The following CAPZB variants were observed in gnomAD, a reference collection of about 807,000 sequenced individuals.
The protein encoded by CAPZB is capping actin protein of muscle Z-line subunit beta.
A neutral mutation model predicts 38.1 loss-of-function variants in CAPZB; 2 were observed. The ratio of observed to expected loss-of-function variants is 0.05; its 90% CI spans 0.02 to 0.17. The LOEUF is 0.17. CAPZB is among the 10% of genes least tolerant of loss of function. The pLI is 1.00. For missense variants in CAPZB, 161 were observed against 334.2 expected (o/e 0.48, Z 4.04); for synonymous variants, 107 against 127.4 (o/e 0.84, Z 1.08).
chr1:19,474,655 G>C (rs2094600804), intron 1 of CAPZB, among the ~76,000 whole-genome samples: 1 of 152,186 alleles, frequency 6.6e-6, no homozygotes. Context: ...AAACGGGTTA[G>C]TAGAAGCTGA....
At chr1:19,389,839 T>C (rs924091584) in intron 2 of CAPZB, among the ~76,000 whole-genome samples, 1 of 152,232 alleles carries the variant, frequency 6.6e-6, no homozygotes, top group East Asian at 1.9e-4. Context: ...AGATGTCAAA[T>C]TCTTCAGAAT....
chr1:19,389,439 T>C (rs1034975575), intron 2 of CAPZB, among the ~76,000 whole-genome samples: 4 of 149,612 alleles, frequency 2.7e-5, no homozygotes, highest in East Asian at 3.9e-4. Context: ...GTTTTTTTTT[T>C]CTCAATGAGA....
At chr1:19,466,401 G>C (rs1372537333) in intron 1 of CAPZB, among the ~76,000 whole-genome samples, 1 of 152,166 alleles carries the variant, frequency 6.6e-6, no homozygotes, top group Non-Finnish European at 1.5e-5. Flanking sequence ...AAATGTTCCT[G>C]AGCTGCAACG....
At chr1:19,370,472 A>C (rs2094114127) in intron 4 of CAPZB, among the ~76,000 whole-genome samples, 1 of 151,890 alleles carries the variant, frequency 6.6e-6, no homozygotes, top group Non-Finnish European at 1.5e-5. Flanking sequence ...GACGTGATAC[A>C]CTCCCCCAGG....
At chr1:19,360,516 A>G (rs549185570) in intron 4 of CAPZB, among the ~76,000 whole-genome samples, 1 of 152,280 alleles carries the variant, frequency 6.6e-6, no homozygotes, top group Non-Finnish European at 1.5e-5. Flanking sequence ...GTGCTGGGAC[A>G]CTGGGGAGAT....
intron 1 of CAPZB, chr1:19,484,827 G>A (rs1430781232): frequency 2.9e-5 from 10 of 348,322 alleles, no homozygotes; most frequent in African/African-American, 4.4e-5. Context: ...GGGGCCATGG[G>A]CGGAGAAGAG....
At chr1:19,412,974 G>A (rs1302508364) in intron 2 of CAPZB, among the ~76,000 whole-genome samples, 3 of 152,204 alleles carry the variant, frequency 2.0e-5, no homozygotes, top group East Asian at 1.9e-4. Context: ...TCCATAGAGC[G>A]AGGCTTTTCA....
In CAPZB at chr1:19,364,605, CA is replaced by C. The variant is rs551375833; in HGVS notation, c.330-7043del. On this transcript the variant is annotated intron_variant, in intron 4 of 8. Transcript: ENST00000264202. ...CCTCCTTGTAATTCCTCATACGACT[CA>C]ATACCTTGTTTATCCTTCTGAACAT... Among the ~76,000 whole-genome samples, 266 of 152,294 alleles carry C rather than the reference CA, an allele frequency of 1.7e-3. 3 individuals carry two copies. Among genetic ancestry groups the C allele is most frequent in the African/African-American group, 6.1e-3 (255 of 41,554 alleles).
At chr1:19,396,664 G>A (rs2094271319) in intron 2 of CAPZB, among the ~76,000 whole-genome samples, 1 of 152,010 alleles carries the variant, frequency 6.6e-6, no homozygotes, top group African/African-American at 2.4e-5. Flanking sequence ...TTATTGGCCA[G>A]ACGCAGTGGC....
intron 2 of CAPZB, among the ~76,000 whole-genome samples, chr1:19,386,537 C>T (rs936032187): frequency 3.9e-5 from 6 of 152,202 alleles, no homozygotes; most frequent in African/African-American, 1.2e-4. Context: ...AATAACCCTT[C>T]CCAGTGGAAA....
chr1:19,383,446 C>A (rs1306159109), intron 3 of CAPZB, among the ~76,000 whole-genome samples: 315 of 117,800 alleles, frequency 2.7e-3, no homozygotes, highest in Middle Eastern at 4.4e-3. Context: ...GACTCTGTCT[C>A]AAAAAAAAAA....
At chr1:19,425,489 A>G (rs1056167751) in intron 1 of CAPZB, among the ~76,000 whole-genome samples, 1 of 152,148 alleles carries the variant, frequency 6.6e-6, no homozygotes, top group Non-Finnish European at 1.5e-5. Flanking sequence ...ATGTCAAATA[A>G]TAAGGAGGGG....
chr1:19,473,157 TC>T (rs1313934350), intron 1 of CAPZB, among the ~76,000 whole-genome samples: 1 of 152,126 alleles, frequency 6.6e-6, no homozygotes, highest in East Asian at 1.9e-4. Flanking sequence ...TAAAGCACTT[TC>T]CCCTGTACAT....
chr1:19,448,942 C>A, intron 1 of CAPZB: 4 of 1,612,364 alleles, frequency 2.5e-6, no homozygotes, highest in Non-Finnish European at 2.5e-6. Flanking sequence ...TAATAACAAT[C>A]GTTTTGCAGG....
At chr1:19,481,939 A>G (rs1486218985) in intron 1 of CAPZB, among the ~76,000 whole-genome samples, 1 of 152,250 alleles carries the variant, frequency 6.6e-6, no homozygotes, top group East Asian at 1.9e-4. Flanking sequence ...TCCTCAGCAC[A>G]TAAGCACCAC....
intron 6 of CAPZB, among the ~76,000 whole-genome samples, chr1:19,348,763 G>C (rs77620107): frequency 9.4e-5 from 13 of 138,076 alleles, no homozygotes; most frequent in Admixed American, 4.3e-4. Flanking sequence ...CTGACAAGGG[G>C]GGGGGGCGGT....
rs1252754180 is a variant in CAPZB, at chr1:19,481,685, G to A, written c.3+3751C>T. Among the ~76,000 whole-genome samples the A allele has an allele frequency of 3.3e-5, 5 of 152,148 alleles. No homozygotes were observed. In the East Asian group the frequency reaches 7.7e-4, roughly 23 times the overall value. On this transcript the variant is annotated intron_variant, in intron 1 of 8. Coordinates refer to ENST00000264202, the MANE Select transcript of CAPZB (RefSeq NM_004930.5). ...GAAAGCCTTGGCTGTGCAGAGGAGC[G>A]GACTGCGTGCACGTGCAATCCAATT... is the stretch of plus-strand genomic sequence containing the variant.
chr1:19,349,538 G>T (rs1298372732), intron 6 of CAPZB, among the ~76,000 whole-genome samples: 1 of 152,192 alleles, frequency 6.6e-6, no homozygotes, highest in Non-Finnish European at 1.5e-5. Flanking sequence ...GGCAAGTCCA[G>T]TCACATCAGC....
intron 2 of CAPZB, among the ~76,000 whole-genome samples, chr1:19,394,481 G>A (rs1477170963): frequency 6.6e-6 from 1 of 152,246 alleles, no homozygotes; most frequent in East Asian, 1.9e-4. Context: ...AGCACTCTGG[G>A]AGGCTGAGGT....
Sources: allele counts gnomAD v4.1 joint callset (sites outside exome capture counted in the v4.1 genomes callset), GRCh38; gene constraint gnomAD v4.1.1; transcripts MANE v1.5; gene names NCBI Gene and HGNC (gene_info 2026-07-23, HGNC 2026-07-21).